Variants in LMX1B observed in about 807,000 individuals in gnomAD.
LMX1B encodes LIM homeobox transcription factor 1-beta.
In LMX1B, 12 loss-of-function variants were observed where a neutral mutation model predicts 51.4. The ratio of observed to expected loss-of-function variants is 0.23; its 90% confidence interval spans 0.15 to 0.38. LMX1B has a LOEUF of 0.38. LMX1B is among the 10% of genes least tolerant of loss of function. The pLI is 1.00. For synonymous variants in LMX1B, 237 were observed against 235.4 expected, an observed-to-expected ratio of 1.01 and a Z score of -0.06; for missense variants, 445 against 571.1, an observed-to-expected ratio of 0.78 and a Z score of 2.25.
chr9:126,677,001 G>C lies in LMX1B; in HGVS notation c.327-13835G>C, dbSNP rs942164729. Among the ~76,000 whole-genome samples the C allele has an allele frequency of 6.6e-6, 1 of 152,228 alleles. No individual in the cohort carries two copies. Among genetic ancestry groups the C allele is most frequent in the African/African-American group, 2.4e-5 (1 of 41,450 alleles). ...AGGCCATTACTATGCTAATGCGGCCGGGCGGGCGGTGATTAAGCGGCTCAG... is the reference window on the plus strand; with the variant it reads ...AGGCCATTACTATGCTAATGCGGCCCGGCGGGCGGTGATTAAGCGGCTCAG... On this transcript the variant is annotated intron_variant, in intron 2 of 7. Coordinates refer to ENST00000373474, the MANE Select transcript of LMX1B (RefSeq NM_001174147.2). This position sits in a 1 kb window ranked among gnomAD's most constrained non-coding sequence, Gnocchi z 5.0.
chr9:126,696,468 C>A lies in LMX1B; in HGVS notation c.*17C>A, dbSNP rs754093597. Reference sequence around the variant, plus strand: ...GCCTCCTGAGAGCCAGCCAGGCGCACGGACGCTTGGGCAGGGGCCTGGGGG... The same window carrying A: ...GCCTCCTGAGAGCCAGCCAGGCGCAAGGACGCTTGGGCAGGGGCCTGGGGG... On this transcript the variant is annotated 3_prime_UTR_variant, in exon 8 of 8. Coordinates refer to ENST00000373474, the MANE Select transcript of LMX1B (RefSeq NM_001174147.2). 1 of 1,613,526 alleles carries A rather than the reference C, an allele frequency of 6.2e-7. No homozygotes were observed. The highest frequency in any genetic ancestry group is 8.5e-7 in the Non-Finnish European group (1 of 1,179,758).
chr9:126,622,554 A>C (rs1835436703), intron 2 of LMX1B, among the ~76,000 whole-genome samples: 1 of 152,234 alleles, frequency 6.6e-6, no homozygotes, highest in African/African-American at 2.4e-5. Flanking sequence ...GGGGAGGAGC[A>C]GCACTGGGTT....
In LMX1B at chr9:126,699,879, G is replaced by A. The variant is rs986872427; in HGVS notation, c.*3428G>A. 6.6e-6 allele frequency: 1 copy of A among 152,316 alleles called. No individual in the cohort carries two copies. Among genetic ancestry groups the A allele is most frequent in the Non-Finnish European group, 1.5e-5 (1 of 68,112 alleles). The allele number at this position is 152,316 out of a possible 1,614,324, so 9.4% of individuals were successfully genotyped here. On this transcript the variant is annotated 3_prime_UTR_variant, in exon 8 of 8. Transcript: ENST00000373474. ...CGGGGAGTAGCCAGGACCACCCCTTGCCCGTGCCGTGACATGGAACCTTCA... is the reference window on the plus strand; with the variant it reads ...CGGGGAGTAGCCAGGACCACCCCTTACCCGTGCCGTGACATGGAACCTTCA...
At chr9:126,659,083 A>G (rs1401097591) in intron 2 of LMX1B, among the ~76,000 whole-genome samples, 1 of 152,156 alleles carries the variant, frequency 6.6e-6, no homozygotes, top group Non-Finnish European at 1.5e-5. Flanking sequence ...GCTCAGACGC[A>G]CTCACAGGCA....
chr9:126,641,896 C>T lies in LMX1B; in HGVS notation c.326+26327C>T, dbSNP rs879053801. On this transcript the variant is annotated intron_variant, in intron 2 of 7. Transcript: ENST00000373474. This position sits in a 1 kb window ranked among gnomAD's most constrained non-coding sequence, Gnocchi z 4.1. Reference sequence around the variant, plus strand: ...GAGGCCCTGGGCAGAGCACTTCACCCACGTTCTCTCAGAACTCTGTGAGAT... The same window carrying T: ...GAGGCCCTGGGCAGAGCACTTCACCTACGTTCTCTCAGAACTCTGTGAGAT... 6.6e-6 allele frequency among the ~76,000 whole-genome samples: 1 copy of T among 152,236 alleles called. No individual in the cohort carries two copies. Among genetic ancestry groups the T allele is most frequent in the Admixed American group, 6.5e-5 (1 of 15,282 alleles).
Position 126,631,860 on chromosome 9 carries a change from T to C in LMX1B, c.326+16291T>C, listed in dbSNP as rs1406074259. Among the ~76,000 whole-genome samples, 3 of 152,294 alleles carry C rather than the reference T, an allele frequency of 2.0e-5. No individual in the cohort carries two copies. The East Asian group carries it at 5.8e-4, about 29-fold the overall frequency. On this transcript the variant is annotated intron_variant, in intron 2 of 7. Coordinates refer to ENST00000373474, the MANE Select transcript of LMX1B (RefSeq NM_001174147.2). ...GTAAGGATGATTCAGAGGGAGCAGA[T>C]GCCATTCCTCTTTAGGTGAGTGGTT...
At chr9:126,639,279 G>A (rs1199275948) in intron 2 of LMX1B, among the ~76,000 whole-genome samples, 1 of 152,186 alleles carries the variant, frequency 6.6e-6, no homozygotes, top group Admixed American at 6.5e-5. Flanking sequence ...GCCGGGTGAG[G>A]GTCCCTCTGC....
At chr9:126,687,352 C>T (rs771636265) in intron 2 of LMX1B, among the ~76,000 whole-genome samples, 4 of 152,056 alleles carry the variant, frequency 2.6e-5, no homozygotes, top group Non-Finnish European at 4.4e-5. Flanking sequence ...CCTCAACCTC[C>T]GGAGTAGCTA....
chr9:126,631,475 G>A (rs1294626913), intron 2 of LMX1B, among the ~76,000 whole-genome samples: 1 of 151,950 alleles, frequency 6.6e-6, no homozygotes. Context: ...CCAGCTGGGG[G>A]CCTTTTGAGT....
Position 126,625,408 on chromosome 9 carries a change from G to C in LMX1B, c.326+9839G>C, listed in dbSNP as rs1835504163. ...TCCTCTGACCGAGAGCACGGGTCCT[G>C]CTCTGTCCCCTCTTCCCAGGAAAGG... On this transcript the variant is annotated intron_variant, in intron 2 of 7. Coordinates refer to ENST00000373474, the MANE Select transcript of LMX1B (RefSeq NM_001174147.2). This position sits in a 1 kb window ranked among gnomAD's most constrained non-coding sequence, Gnocchi z 5.3. Among the ~76,000 whole-genome samples the C allele has an allele frequency of 1.3e-5, 2 of 152,226 alleles. No individual in the cohort carries two copies. The highest frequency in any genetic ancestry group is 4.1e-4 in the South Asian group (2 of 4,832).
chr9:126,656,514 C>T (rs1042698183), intron 2 of LMX1B, among the ~76,000 whole-genome samples: 2 of 152,156 alleles, frequency 1.3e-5, no homozygotes, highest in Non-Finnish European at 1.5e-5. Flanking sequence ...TCAGAAGCCA[C>T]TTGGAGGAGG....
chr9:126,684,303 A>G (rs1836733088), intron 2 of LMX1B, among the ~76,000 whole-genome samples: 1 of 152,188 alleles, frequency 6.6e-6, no homozygotes, highest in African/African-American at 2.4e-5. Flanking sequence ...CAGACCCAAC[A>G]GTGCAATTAC....
At chr9:126,693,430 C>T in intron 4 of LMX1B, 94 bp from the exon 5 acceptor site, 1 of 1,544,430 alleles carries the variant, frequency 6.5e-7, no homozygotes, top group Non-Finnish European at 8.9e-7. Flanking sequence ...CCTCCATCCT[C>T]CATCTCTCCG....
At chr9:126,646,403 C>CCCATCCAT (rs55688235) in intron 2 of LMX1B, among the ~76,000 whole-genome samples, 2 of 151,622 alleles carry the variant, frequency 1.3e-5, no homozygotes, top group Non-Finnish European at 1.5e-5. Context: ...CATCAATCTA[C>CCCATCCAT]CCATCCATCC....
Position 126,658,869 on chromosome 9 carries a change from A to G in LMX1B, c.327-31967A>G, listed in dbSNP as rs7857462. 0.42 allele frequency among the ~76,000 whole-genome samples: 64,555 copies of G among 152,024 alleles called. 14,807 individuals carry two copies. Among genetic ancestry groups the G allele is most frequent in the African/African-American group, 0.54 (22,449 of 41,438 alleles). ...GTATCAGGCCTGGTTTGCTGTGGAG[A>G]GAAGGAGGACTTCCTGGGGACATGA... On this transcript the variant is annotated intron_variant, in intron 2 of 7. Coordinates refer to ENST00000373474, the MANE Select transcript of LMX1B (RefSeq NM_001174147.2). This position sits in a 1 kb window ranked among gnomAD's most constrained non-coding sequence, Gnocchi z 4.0.
chr9:126,682,914 AAG>A (rs1554727753), intron 2 of LMX1B, among the ~76,000 whole-genome samples: 41 of 149,404 alleles, frequency 2.7e-4, no homozygotes, highest in African/African-American at 9.6e-4. Flanking sequence ...AAAAAAAAAA[AAG>A]AAAGAAAGAA....
intron 2 of LMX1B, among the ~76,000 whole-genome samples, chr9:126,676,275 C>T (rs530850226): frequency 1.2e-4 from 19 of 152,312 alleles, no homozygotes; most frequent in African/African-American, 4.3e-4. Context: ...TGGCTGATCG[C>T]CCTCCTCTCC....
In LMX1B at chr9:126,696,364, C is replaced by A; in HGVS notation, c.1122C>A (p.Gly374=). 1 of 1,614,096 alleles carries A rather than the reference C, an allele frequency of 6.2e-7. No homozygotes were observed. ...CCAGCCTCAGCGACTGCTTCCTCGG[C>A]TCCTCAGACGTGGGCTCCCTGCAGG... The part of the protein sequence containing the change: ...SLTSLSDCFL[G]SSDVGSLQAR... Residue 374 remains glycine (G), a synonymous_variant, in exon 8 of 8, where the codon GGC becomes GGA. Transcript: ENST00000373474.
At chr9:126,623,720 G>T (rs1267249620) in intron 2 of LMX1B, among the ~76,000 whole-genome samples, 2 of 151,598 alleles carry the variant, frequency 1.3e-5, no homozygotes, top group East Asian at 3.8e-4. Flanking sequence ...AGGGGGAGTC[G>T]CTACCCGAGG....
Sources: gnomAD v4.1 joint callset for allele counts (sites outside exome capture counted in the v4.1 genomes callset) on GRCh38, gnomAD v4.1.1 for gene constraint, Gnocchi (gnomAD v3.1) non-coding constraint, MANE v1.5 for transcripts, NCBI Gene and HGNC (gene_info 2026-07-23, HGNC 2026-07-21) for gene names.